Variants in WWC2 observed in about 807,000 individuals in gnomAD.
WWC2 encodes the protein WW and C2 domain containing 2.
Under a neutral mutation model 138.5 loss-of-function variants are expected in WWC2, and 101 were observed. That is an observed-to-expected ratio of 0.73 (90% CI 0.62 to 0.86). The LOEUF (loss-of-function observed/expected upper bound fraction) is 0.86. WWC2 is among the 40% of genes least tolerant of loss of function. The pLI is 0.00. For synonymous variants in WWC2, 558 were observed against 538.4 expected (o/e 1.04, Z -0.50); for missense variants, 1,420 against 1,419.4 (o/e 1.00, Z -0.01).
intron 22 of WWC2, among the ~76,000 whole-genome samples, chr4:183,314,753 C>T (rs142753489): frequency 1.3e-5 from 2 of 152,234 alleles, no homozygotes; most frequent in Admixed American, 6.5e-5. Flanking sequence ...CACCTACACT[C>T]GTGGCATTTT....
intron 5 of WWC2, among the ~76,000 whole-genome samples, chr4:183,243,254 T>A (rs1041811128): frequency 7.0e-6 from 1 of 142,712 alleles, no homozygotes; most frequent in Non-Finnish European, 1.5e-5. Flanking sequence ...CTGAAGACTT[T>A]ACACAAACAG....
At chr4:183,218,591 G>A (rs553030522) in intron 4 of WWC2, among the ~76,000 whole-genome samples, 62 of 152,246 alleles carry the variant, frequency 4.1e-4, no homozygotes, top group African/African-American at 1.4e-3. Flanking sequence ...CCAGATTTGC[G>A]GCATGGGCTG....
intron 20 of WWC2, 24 bp from the exon 21 acceptor site, chr4:183,289,369 G>T: frequency 6.2e-7 from 1 of 1,603,900 alleles, no homozygotes; most frequent in Non-Finnish European, 8.5e-7. Context: ...CAGGGTGTTC[G>T]TCATTCCGTT....
intron 9 of WWC2, among the ~76,000 whole-genome samples, chr4:183,259,068 T>C (rs188460046): frequency 8.3e-4 from 126 of 152,308 alleles, no homozygotes; most frequent in Non-Finnish European, 1.3e-3. Context: ...GAATCACTTT[T>C]AGGTCATCCT....
chr4:183,124,133 A>C (rs1384328722), intron 1 of WWC2, among the ~76,000 whole-genome samples: 1 of 152,216 alleles, frequency 6.6e-6, no homozygotes, highest in Non-Finnish European at 1.5e-5. Context: ...ATAGATACCC[A>C]AACAGTTCCT....
chr4:183,319,269 A>C lies in WWC2; in HGVS notation c.*3540A>C. The C allele has an allele frequency of 3.2e-6, 1 of 313,978 alleles. No individual in the cohort carries two copies. Among genetic ancestry groups the C allele is most frequent in the East Asian group, 5.9e-5 (1 of 17,020 alleles). The allele number at this position is 313,978 out of a possible 1,614,324, so 19.4% of individuals were successfully genotyped here. On this transcript the variant is annotated 3_prime_UTR_variant, in exon 23 of 23. Coordinates refer to ENST00000403733, the MANE Select transcript of WWC2 (RefSeq NM_024949.6). Reference sequence around the variant, plus strand: ...ATGAATAATACCTTCAAAGATACATAGAGATTAATGTTTTATTTACCACTT... The same window carrying C: ...ATGAATAATACCTTCAAAGATACATCGAGATTAATGTTTTATTTACCACTT...
At chr4:183,132,034 C>T (rs11132168) in intron 1 of WWC2, among the ~76,000 whole-genome samples, 16,613 of 152,026 alleles carry the variant, frequency 0.11, 1,352 homozygotes, top group Admixed American at 0.25. Context: ...CAGTTCAGTT[C>T]CTTTAGTTCT....
chr4:183,145,088 G>A (rs1340884138), intron 1 of WWC2, among the ~76,000 whole-genome samples: 3 of 152,206 alleles, frequency 2.0e-5, no homozygotes, highest in Non-Finnish European at 4.4e-5. Context: ...TTTAGCAACT[G>A]CAGTTGGGAA....
intron 20 of WWC2, among the ~76,000 whole-genome samples, chr4:183,287,625 A>G (rs1334046225): frequency 1.1e-4 from 16 of 152,226 alleles, no homozygotes; most frequent in Admixed American, 1.0e-3. Flanking sequence ...CAAGTGGAGA[A>G]TGGTATTCTG....
At chr4:183,225,529 G>A (rs1323578809) in intron 4 of WWC2, among the ~76,000 whole-genome samples, 3 of 152,186 alleles carry the variant, frequency 2.0e-5, no homozygotes, top group Non-Finnish European at 2.9e-5. Flanking sequence ...GTCCAATCAT[G>A]AGCTCATTTA....
intron 4 of WWC2, among the ~76,000 whole-genome samples, chr4:183,238,559 A>T (rs1422865579): frequency 6.6e-6 from 1 of 152,058 alleles, no homozygotes; most frequent in Non-Finnish European, 1.5e-5. Flanking sequence ...ACCCTCTGTA[A>T]TCCAGCCACA....
intron 1 of WWC2, among the ~76,000 whole-genome samples, chr4:183,163,451 G>T (rs183039353): frequency 1.3e-5 from 2 of 152,188 alleles, no homozygotes; most frequent in African/African-American, 4.8e-5. Context: ...AAAAAAACTG[G>T]TCACATGATA....
At chr4:183,249,170 G>C (rs1396110980) in intron 7 of WWC2, among the ~76,000 whole-genome samples, 2 of 152,032 alleles carry the variant, frequency 1.3e-5, no homozygotes, top group Non-Finnish European at 2.9e-5. Context: ...TTAGAGTCTT[G>C]GAAATGTAGG....
At chr4:183,281,991 G>A (rs1021292620) in intron 17 of WWC2, among the ~76,000 whole-genome samples, 2 of 152,166 alleles carry the variant, frequency 1.3e-5, no homozygotes, top group African/African-American at 4.8e-5. Flanking sequence ...TAACTAGTCT[G>A]TGCCAGTTTG....
chr4:183,152,370 G>A (rs1235191623), intron 1 of WWC2, among the ~76,000 whole-genome samples: 1 of 151,960 alleles, frequency 6.6e-6, no homozygotes, highest in Non-Finnish European at 1.5e-5. Flanking sequence ...ATGTAGATGT[G>A]TGCTTGTACT....
At chr4:183,245,013 C>T (rs1465824787) in intron 5 of WWC2, among the ~76,000 whole-genome samples, 1 of 152,018 alleles carries the variant, frequency 6.6e-6, no homozygotes, top group Non-Finnish European at 1.5e-5. Context: ...ACGTGCGGAT[C>T]ACGAGGTCAG....
Position 183,253,806 on chromosome 4 carries a change from C to G in WWC2, c.1003C>G (p.Pro335Ala), listed in dbSNP as rs772994261. ...ELSKLDSEAW[P>A]GALDIEKEKL... The stretch of plus-strand genomic sequence containing the variant: ...GTCAAAATTGGACAGTGAGGCCTGG[C>G]CTGGGGCACTGGATATTGAGAAGGA... Residue 335 changes from proline to alanine, a missense_variant, in exon 9 of 23, where the codon CCT becomes GCT. By Grantham distance (27) the Pro-to-Ala change is conservative. Coordinates refer to ENST00000403733, the MANE Select transcript of WWC2 (RefSeq NM_024949.6). 6.2e-7 allele frequency: 1 copy of G among 1,613,538 alleles called. No individual in the cohort carries two copies. The highest frequency in any genetic ancestry group is 8.5e-7 in the Non-Finnish European group (1 of 1,179,790).
intron 1 of WWC2, among the ~76,000 whole-genome samples, chr4:183,105,681 G>A (rs1040782332): frequency 2.2e-4 from 34 of 152,132 alleles, no homozygotes; most frequent in Non-Finnish European, 4.1e-4. Context: ...ACGAGGTCAG[G>A]AGATGCAGAC....
intron 11 of WWC2, among the ~76,000 whole-genome samples, chr4:183,264,457 G>T (rs1737428661): frequency 1.3e-5 from 2 of 152,166 alleles, no homozygotes; most frequent in Admixed American, 6.5e-5. Context: ...AATGGTATTG[G>T]CTGGTGAGGA....
Sources: gnomAD v4.1 joint callset for allele counts (sites outside exome capture counted in the v4.1 genomes callset) on GRCh38, gnomAD v4.1.1 for gene constraint, MANE v1.5 for transcripts, NCBI Gene and HGNC (gene_info 2026-07-23, HGNC 2026-07-21) for gene names.